SCAP: variants seen among roughly 807,000 people sequenced by gnomAD.
The protein encoded by SCAP is sterol regulatory element-binding protein cleavage-activating protein.
SCAP carries 65 observed loss-of-function variants against 123.6 expected under a neutral mutation model. That is an observed-to-expected ratio of 0.53 (90% confidence interval 0.43 to 0.65). The LOEUF (loss-of-function observed/expected upper bound fraction) is 0.65, where lower values mean the gene tolerates loss of function less well. SCAP is among the 30% of genes least tolerant of loss of function. The pLI, the probability that SCAP is intolerant of heterozygous loss-of-function variation, is 0.00. For synonymous variants in SCAP, 740 were observed against 726.3 expected (o/e 1.02, Z -0.30); for missense variants, 1,398 against 1,712.5 (o/e 0.82, Z 3.24).
At position 47,414,892 on chromosome 3, in the gene SCAP, G is replaced by A; in HGVS notation, c.3241C>T (p.Pro1081Ser). 1 of 1,612,876 alleles carries A rather than the reference G, an allele frequency of 6.2e-7. No homozygotes were observed. The highest frequency in any genetic ancestry group is 8.5e-7 in the Non-Finnish European group (1 of 1,179,838). Residue 1081 changes from proline (P) to serine (S), a missense_variant, in exon 20 of 23, where the codon CCC becomes TCC. Around this residue, in one of 7 missense-constraint regions of SCAP, gnomAD observed 828 missense variants for 882.5 expected, o/e 0.94. Transcript: ENST00000265565. ...THTVPCAHQKPITALKAAAGR... is the reference protein window; with the variant it reads ...THTVPCAHQKSITALKAAAGR... Reference sequence around the variant, plus strand: ...GCAGCGGCTTTCAGGGCTGTGATGGGTTTTTGGTGTGCACAGGGCACTGTG... The same window carrying A: ...GCAGCGGCTTTCAGGGCTGTGATGGATTTTTGGTGTGCACAGGGCACTGTG...
intron 1 of SCAP, among the ~76,000 whole-genome samples, chr3:47,460,486 C>T (rs373544490): frequency 1.3e-5 from 2 of 152,320 alleles, no homozygotes; most frequent in African/African-American, 4.8e-5. Flanking sequence ...TGCCGCGGCT[C>T]CAGCCAGTCC....
intron 1 of SCAP, among the ~76,000 whole-genome samples, chr3:47,460,895 A>G (rs892145812): frequency 6.6e-6 from 1 of 152,168 alleles, no homozygotes; most frequent in Non-Finnish European, 1.5e-5. Flanking sequence ...GAGGGTTCCA[A>G]ACAGTGCAAA....
Position 47,419,634 on chromosome 3 carries a change from G to A in SCAP, c.1634C>T (p.Ala545Val). The change falls in exon 13 of 23, where the codon GCC becomes GTC. Residue 545 changes from alanine to valine, a missense_variant. By Grantham distance (64) the Ala-to-Val change is moderately conservative. Coordinates refer to ENST00000265565, the MANE Select transcript of SCAP (RefSeq NM_012235.4). The surrounding 1 kb of genome is among the most constrained non-coding windows in gnomAD (Gnocchi z 5.0). ...CAATGGGCTCTGTTCCGTCACCTGG[G>A]CAGCGAGGTAGTTGCGCAGCCCTGC... ...DPAGLRNYLA[A>V]QVTEQSPLGE... 5 of 1,575,616 alleles carry A rather than the reference G, an allele frequency of 3.2e-6. No homozygotes were observed. Among genetic ancestry groups the A allele is most frequent in the Non-Finnish European group, 4.3e-6 (5 of 1,159,700 alleles).
Position 47,422,666 on chromosome 3 carries a change from C to G in SCAP, c.1151-130G>C, listed in dbSNP as rs998561176. ...CAGCCCTTTGAAGGAGCCATTCCAC[C>G]AAAGCACCCCAACCCTCAGGGTCCT... is the stretch of plus-strand genomic sequence containing the variant. On this transcript the variant is annotated intron_variant, in intron 9 of 22. Transcript: ENST00000265565. 5 of 667,062 alleles carry G rather than the reference C, an allele frequency of 7.5e-6. No individual in the cohort carries two copies. The African/African-American group carries it at 9.1e-5, about 12-fold the overall frequency. The allele number at this position is 667,062 out of a possible 1,614,324, so 41.3% of individuals were successfully genotyped here. A position where few individuals can be genotyped will look rare whatever the true frequency, so the allele number is the denominator to read the frequency against.
At chr3:47,428,981 A>G (rs764362625) in intron 3 of SCAP, 6 of 291,494 alleles carry the variant, frequency 2.1e-5, no homozygotes, top group Non-Finnish European at 3.2e-5. Flanking sequence ...CATGTTTCAT[A>G]CTAACTCCCC....
chr3:47,427,679 A>ATGT lies in SCAP; in HGVS notation c.411-13_411-12insACA. 6.2e-7 allele frequency: 1 copy of ATGT among 1,611,268 alleles called. No individual in the cohort carries two copies. The highest frequency in any genetic ancestry group is 1.3e-5 in the African/African-American group (1 of 74,934). ...TCCTGATCCCAGAGCTGCACAGGAG[A>ATGT]CAGGACAAGGCACCTGCTGTGTCTG... On this transcript the variant is annotated splice_polypyrimidine_tract_variant and intron_variant, in intron 4 of 22. Transcript: ENST00000265565.
At chr3:47,433,262 A>G (rs1038055630) in intron 3 of SCAP, among the ~76,000 whole-genome samples, 4 of 152,190 alleles carry the variant, frequency 2.6e-5, no homozygotes, top group African/African-American at 7.2e-5. Flanking sequence ...AGGACAGCCA[A>G]TGGAGGTGAG....
chr3:47,463,877 C>T (rs561371921), intron 1 of SCAP, among the ~76,000 whole-genome samples: 2 of 152,222 alleles, frequency 1.3e-5, no homozygotes, highest in East Asian at 1.9e-4. Context: ...CTTGCTCTGT[C>T]ACCCAGGCTG....
At chr3:47,448,002 CAAAAAAAAAAAAA>C (rs35075035) in intron 1 of SCAP, among the ~76,000 whole-genome samples, 8 of 66,308 alleles carry the variant, frequency 1.2e-4, no homozygotes, top group South Asian at 8.2e-4. Context: ...GACTCCGTCT[CAAAAAAAAAAAAA>C]AAAAAAAAAA....
intron 3 of SCAP, among the ~76,000 whole-genome samples, chr3:47,431,610 A>C (rs1438576121): frequency 6.6e-6 from 1 of 152,164 alleles, no homozygotes; most frequent in East Asian, 1.9e-4. Context: ...GGTGTTCCTC[A>C]ACTAGGATTT....
intron 2 of SCAP, among the ~76,000 whole-genome samples, chr3:47,435,465 A>AACATACAC (rs55946521): frequency 8.2e-6 from 1 of 121,482 alleles, no homozygotes; most frequent in Non-Finnish European, 1.6e-5. Context: ...ATATAATATA[A>AACATACAC]ACATACACAC....
chr3:47,421,962 T>C (rs1330926229), intron 10 of SCAP, among the ~76,000 whole-genome samples: 4 of 152,214 alleles, frequency 2.6e-5, no homozygotes, highest in Non-Finnish European at 5.9e-5. Flanking sequence ...GTGGTGGCCC[T>C]CCCACTGGTC....
intron 1 of SCAP, among the ~76,000 whole-genome samples, chr3:47,471,791 T>C (rs1027536799): frequency 1.3e-5 from 2 of 152,168 alleles, no homozygotes; most frequent in African/African-American, 4.8e-5. Flanking sequence ...CCAATACATG[T>C]ACACTTACAT....
At chr3:47,447,688 C>CA (rs992729371) in intron 1 of SCAP, among the ~76,000 whole-genome samples, 109 of 105,438 alleles carry the variant, frequency 1.0e-3, no homozygotes, top group Middle Eastern at 6.3e-3. Flanking sequence ...GACTCTGACT[C>CA]AAAAAAAAAA....
chr3:47,446,368 T>C (rs1375680204), intron 1 of SCAP, among the ~76,000 whole-genome samples: 3 of 152,032 alleles, frequency 2.0e-5, no homozygotes, highest in Admixed American at 6.6e-5. Context: ...AGACGAAGTT[T>C]CACTATGTTG....
rs1290153169 is a variant in SCAP, at chr3:47,420,915, C to T, written c.1344+16G>A. 6.2e-7 allele frequency: 1 copy of T among 1,611,084 alleles called. No homozygotes were observed. Among genetic ancestry groups the T allele is most frequent in the Non-Finnish European group, 8.5e-7 (1 of 1,177,508 alleles). ...GGCTGAGGAGGCGGGCAGGGCAGGGCTCAGCCCACTCCTACCTCCATCCGG... is the reference window on the plus strand; with the variant it reads ...GGCTGAGGAGGCGGGCAGGGCAGGGTTCAGCCCACTCCTACCTCCATCCGG... On this transcript the variant is annotated intron_variant, in intron 11 of 22. Transcript: ENST00000265565. This position sits in a 1 kb window ranked among gnomAD's most constrained non-coding sequence, Gnocchi z 5.0.
At chr3:47,444,770 C>T (rs1421799700) in intron 1 of SCAP, among the ~76,000 whole-genome samples, 2 of 150,206 alleles carry the variant, frequency 1.3e-5, no homozygotes, top group African/African-American at 4.9e-5. Flanking sequence ...CCACCACACC[C>T]GGCCAGTACT....
chr3:47,438,545 G>C (rs1706674543), intron 2 of SCAP, among the ~76,000 whole-genome samples: 1 of 152,202 alleles, frequency 6.6e-6, no homozygotes, highest in South Asian at 2.1e-4. Context: ...TGGGCACGGT[G>C]GCTCACGCCT....
chr3:47,456,462 A>G (rs1261506310), intron 1 of SCAP, among the ~76,000 whole-genome samples: 1 of 152,056 alleles, frequency 6.6e-6, no homozygotes, highest in Non-Finnish European at 1.5e-5. Flanking sequence ...AAGGTAAAAT[A>G]TGAAATATAA....
Sources: gnomAD v4.1 joint callset for allele counts (sites outside exome capture counted in the v4.1 genomes callset) on GRCh38, gnomAD v4.1.1 for gene constraint, gnomAD v4.1.1 regional missense constraint, Gnocchi (gnomAD v3.1) non-coding constraint, MANE v1.5 for transcripts, NCBI Gene and HGNC (gene_info 2026-07-23, HGNC 2026-07-21) for gene names.